Variants in TSPOAP1 observed in about 807,000 individuals in gnomAD.
The protein encoded by TSPOAP1 is TSPO associated protein 1, also known as peripheral-type benzodiazepine receptor-associated protein 1.
In TSPOAP1, 87 loss-of-function variants were observed where a neutral mutation model predicts 197.0. The ratio of observed to expected loss-of-function variants is 0.44; its 90% CI spans 0.37 to 0.53. TSPOAP1 has a LOEUF of 0.53. Ranked by LOEUF, TSPOAP1 falls within the 20% of genes least tolerant of loss-of-function variation. TSPOAP1 has a pLI of 0.00. For synonymous variants in TSPOAP1, 913 were observed against 998.9 expected (o/e 0.91, Z 1.62); for missense variants, 2,174 against 2,411.3 (o/e 0.90, Z 2.06).
At chr17:58,323,954 A>T (rs1971482284) in intron 5 of TSPOAP1, among the ~76,000 whole-genome samples, 1 of 152,088 alleles carries the variant, frequency 6.6e-6, no homozygotes, top group South Asian at 2.1e-4. Flanking sequence ...GTTCCCCAAG[A>T]TAGGGGTTCT....
intron 14 of TSPOAP1, among the ~76,000 whole-genome samples, chr17:58,317,665 G>A (rs895550068): frequency 2.6e-5 from 4 of 152,190 alleles, no homozygotes; most frequent in African/African-American, 9.7e-5. Flanking sequence ...TGGGGTTTGT[G>A]GGTAGAAAGA....
chr17:58,305,585 T>C lies in TSPOAP1; in HGVS notation c.5316A>G (p.Ala1772=). ...DLKAPHSMVA[A]FDYNPQESSP... ...AACTCTCCTGGGGGTTGTAGTCAAA[T>C]GCAGCCACCATGGAGTGGGGAGCTT... is the stretch of plus-strand genomic sequence containing the variant. The change falls in exon 28 of 32, where the codon GCA becomes GCG. Residue 1772 remains alanine, a synonymous_variant. Transcript: ENST00000343736. The C allele has an allele frequency of 6.3e-7, 1 of 1,575,830 alleles. No homozygotes were observed. The highest frequency in any genetic ancestry group is 8.6e-7 in the Non-Finnish European group (1 of 1,161,398).
intron 7 of TSPOAP1, 126 bp downstream of exon 7, chr17:58,323,172 A>G (rs1303705452): frequency 2.1e-6 from 3 of 1,461,600 alleles, no homozygotes; most frequent in African/African-American, 1.4e-5. Context: ...AGGAAAGGAA[A>G]GGAGCAGGAG....
chr17:58,310,907 C>G lies in TSPOAP1; in HGVS notation c.3388G>C (p.Ala1130Pro), dbSNP rs1192696527. The change falls in exon 19 of 32, where the codon GCA becomes CCA. Residue 1130 changes from alanine (A) to proline (P), a missense_variant. By Grantham distance (27) the Ala-to-Pro change is conservative (BLOSUM62 -1). Around this residue, in one of 5 missense-constraint regions of TSPOAP1, gnomAD observed 1,933 missense variants for 2,139.0 expected, o/e 0.90. Coordinates refer to ENST00000343736, the MANE Select transcript of TSPOAP1 (RefSeq NM_004758.4). ...TCTCTGGAAGGGCTTGCAGGGGGTGCTCCTGGAGGCTCTTGAGTTCCAAGG... is the reference window on the plus strand; with the variant it reads ...TCTCTGGAAGGGCTTGCAGGGGGTGGTCCTGGAGGCTCTTGAGTTCCAAGG... ...APLGTQEPPGAPPASPSREMA... is the reference protein window; with the variant it reads ...APLGTQEPPGPPPASPSREMA... 3.2e-6 allele frequency: 5 copies of G among 1,547,274 alleles called. No homozygotes were observed. The highest frequency in any genetic ancestry group is 2.3e-5 in the East Asian group (1 of 44,408).
In TSPOAP1 at chr17:58,311,878, C is replaced by G; in HGVS notation, c.2929+14G>C. On this transcript the variant is annotated intron_variant, in intron 17 of 31. Coordinates refer to ENST00000343736, the MANE Select transcript of TSPOAP1 (RefSeq NM_004758.4). ...TCCTGGGTGTTCTGGACAACAGGGC[C>G]CAAGCCCACATACCTGCTGGGAGTG... 1 of 1,524,816 alleles carries G rather than the reference C, an allele frequency of 6.6e-7. No homozygotes were observed. Among genetic ancestry groups the G allele is most frequent in the Non-Finnish European group, 8.8e-7 (1 of 1,136,764 alleles). 94.5% of individuals were successfully genotyped at this position (1,524,816 alleles called of 1,614,324 possible).
chr17:58,324,757 T>G lies in TSPOAP1; in HGVS notation c.942+54A>C, dbSNP rs1598082478. On this transcript the variant is annotated intron_variant, in intron 5 of 31. Coordinates refer to ENST00000343736, the MANE Select transcript of TSPOAP1 (RefSeq NM_004758.4). This position sits in a 1 kb window ranked among gnomAD's most constrained non-coding sequence, Gnocchi z 5.8. ...GGTGCAGGGGAGATCCCGGTGGTCG[T>G]TCCCCCCACCCATCTGCACGCACCC... The G allele has an allele frequency of 1.6e-6, 2 of 1,266,836 alleles. No individual in the cohort carries two copies. The highest frequency in any genetic ancestry group is 2.0e-6 in the Non-Finnish European group (2 of 981,994). The allele number at this position is 1,266,836 out of a possible 1,614,324, so 78.5% of individuals were successfully genotyped here. A position where few individuals can be genotyped will look rare whatever the true frequency, so the allele number is the denominator to read the frequency against.
Position 58,327,707 on chromosome 17 carries a change from C to G in TSPOAP1, c.214G>C (p.Val72Leu), listed in dbSNP as rs772493918. The change falls in exon 1 of 32, where the codon GTG (valine) becomes CTG (leucine). Residue 72 changes from valine to leucine, a missense_variant. Coordinates refer to ENST00000343736, the MANE Select transcript of TSPOAP1 (RefSeq NM_004758.4). ...KPKGDGSSRP[V>L]GGTDPEGAEA... ...GCTCCTTCAGGGTCAGTTCCCCCCA[C>G]GGGCCTGGAGCTCCCGTCTCCTTTG... 12 of 1,614,130 alleles carry G rather than the reference C, an allele frequency of 7.4e-6. No individual in the cohort carries two copies. Among genetic ancestry groups the G allele is most frequent in the Non-Finnish European group, 1.0e-5 (12 of 1,180,040 alleles).
intron 29 of TSPOAP1, 61 bp from the exon 30 acceptor site, chr17:58,305,232 C>A (rs1283111699): frequency 6.7e-7 from 1 of 1,499,682 alleles, no homozygotes; most frequent in Middle Eastern, 1.7e-4. Flanking sequence ...TGCCCCTCGA[C>A]TCTGATGCCC....
At chr17:58,320,678 AG>A (rs1971378968) in intron 10 of TSPOAP1, 97 bp from the exon 11 acceptor site, 2 of 962,766 alleles carry the variant, frequency 2.1e-6, no homozygotes, top group South Asian at 3.1e-5. Context: ...GGACAGAGGC[AG>A]GGGAGGAAGA....
intron 26 of TSPOAP1, 91 bp from the exon 27 acceptor site, chr17:58,305,956 A>C (rs2144027896): frequency 2.1e-6 from 3 of 1,427,570 alleles, no homozygotes; most frequent in Non-Finnish European, 2.9e-6. Flanking sequence ...GCCCACACAC[A>C]AGGAGGCAGG....
intron 22 of TSPOAP1, 97 bp downstream of exon 22, chr17:58,308,444 G>A: frequency 1.4e-6 from 2 of 1,471,758 alleles, no homozygotes; most frequent in Non-Finnish European, 1.8e-6. Context: ...TGCTGATGGA[G>A]GCAGGCAGCG....
chr17:58,313,049 C>G (rs1484139904), intron 16 of TSPOAP1, among the ~76,000 whole-genome samples: 1 of 152,092 alleles, frequency 6.6e-6, no homozygotes, highest in African/African-American at 2.4e-5. Context: ...TAATAAGCCA[C>G]CAGGTGACAC....
In TSPOAP1 at chr17:58,311,878, C is replaced by A. The variant is rs1239764568; in HGVS notation, c.2929+14G>T. ...TCCTGGGTGTTCTGGACAACAGGGC[C>A]CAAGCCCACATACCTGCTGGGAGTG... On this transcript the variant is annotated intron_variant, in intron 17 of 31. Transcript: ENST00000343736. 1.3e-6 allele frequency: 2 copies of A among 1,524,816 alleles called. No homozygotes were observed. Among genetic ancestry groups the A allele is most frequent in the Non-Finnish European group, 1.8e-6 (2 of 1,136,764 alleles). 94.5% of individuals were successfully genotyped at this position (1,524,816 alleles called of 1,614,324 possible).
chr17:58,317,663 G>A (rs2143085492), intron 14 of TSPOAP1, among the ~76,000 whole-genome samples: 1 of 152,330 alleles, frequency 6.6e-6, no homozygotes, highest in East Asian at 1.9e-4. Flanking sequence ...TCTGGGGTTT[G>A]TGGGTAGAAA....
rs1971733348 is a variant in TSPOAP1 at position 58,328,735 on chromosome 17, G to T, written c.-815C>A. 2 of 152,308 alleles carry T rather than the reference G, an allele frequency of 1.3e-5. No homozygotes were observed. The highest frequency in any genetic ancestry group is 1.9e-4 in the East Asian group (1 of 5,184). The allele number at this position is 152,308 out of a possible 1,614,324, so 9.4% of individuals were successfully genotyped here. Reference sequence around the variant, plus strand: ...GGCCTCTGCTCTGGGGACTGCAGGGGTCCCTTACAGTCCAGGAGCCTCGAG... The same window carrying T: ...GGCCTCTGCTCTGGGGACTGCAGGGTTCCCTTACAGTCCAGGAGCCTCGAG... On this transcript the variant is annotated 5_prime_UTR_variant, in exon 1 of 32. Transcript: ENST00000343736. This position sits in a 1 kb window ranked among gnomAD's most constrained non-coding sequence, Gnocchi z 4.3.
chr17:58,316,084 C>T lies in TSPOAP1; in HGVS notation c.2037G>A (p.Pro679=), dbSNP rs372282209. Reference sequence around the variant, plus strand: ...TGTAGATGTACTCGCCAGCTGTCAGCGGAAGCTCTGCTTCTGGATTCTCAT... The same window carrying T: ...TGTAGATGTACTCGCCAGCTGTCAGTGGAAGCTCTGCTTCTGGATTCTCAT... The part of the protein sequence containing the change: ...GPNENPEAEL[P]LTAGEYIYIY... Residue 679 remains proline (P), a synonymous_variant, in exon 16 of 32, where the codon CCG becomes CCA. Transcript: ENST00000343736. 48 of 1,614,128 alleles carry T rather than the reference C, an allele frequency of 3.0e-5. No individual in the cohort carries two copies. The highest frequency in any genetic ancestry group is 6.7e-5 in the East Asian group (3 of 44,868).
intron 10 of TSPOAP1, among the ~76,000 whole-genome samples, chr17:58,320,998 T>C (rs1214808991): frequency 6.6e-6 from 1 of 152,066 alleles, no homozygotes; most frequent in Non-Finnish European, 1.5e-5. Flanking sequence ...TTCCTAGGGC[T>C]CCCATCTACT....
At position 58,320,550 on chromosome 17, in the gene TSPOAP1, C is replaced by A. The variant is rs1244623773; in HGVS notation, c.1454G>T (p.Gly485Val). ...AQAEAQREHE[G>V]AVQLLESTLD... ...CCCTACCTCCAGCAGCTGCACGGCT[C>A]CTTCATGTTCCCTCTGGGCTTCAGC... The change falls in exon 11 of 32, where the codon GGA becomes GTA. Residue 485 changes from glycine (G) to valine (V), a missense_variant. Physicochemically the swap from Gly to Val is moderately radical, Grantham distance 109 (BLOSUM62 -3). Transcript: ENST00000343736. 6.7e-7 allele frequency: 1 copy of A among 1,491,228 alleles called. No individual in the cohort carries two copies. Among genetic ancestry groups the A allele is most frequent in the Admixed American group, 2.4e-5 (1 of 41,182 alleles). 92.4% of individuals were successfully genotyped at this position (1,491,228 alleles called of 1,614,324 possible). A position where few individuals can be genotyped will look rare whatever the true frequency, so the allele number is the denominator to read the frequency against.
At position 58,312,029 on chromosome 17, in the gene TSPOAP1, G is replaced by A. The variant is rs371230158; in HGVS notation, c.2792C>T (p.Thr931Ile). ...TGTGCCAGGCCGTAAGTGGCAGAAG[G>A]TGGCCCAGTAGGTACTGGGGCTGGC... ...PPASPSTYWATFCHLRPGTPY... is the reference protein window; with the variant it reads ...PPASPSTYWAIFCHLRPGTPY... Residue 931 changes from threonine (T) to isoleucine (I), a missense_variant, in exon 17 of 32, where the codon ACC becomes ATC. By Grantham distance (89) the Thr-to-Ile change is moderately conservative. Transcript: ENST00000343736. 1.3e-5 allele frequency: 21 copies of A among 1,613,442 alleles called. No individual in the cohort carries two copies. The African/African-American group carries it at 2.7e-4, about 21-fold the overall frequency.
Sources: gnomAD v4.1 joint callset for allele counts (sites outside exome capture counted in the v4.1 genomes callset) on GRCh38, gnomAD v4.1.1 for gene constraint, gnomAD v4.1.1 regional missense constraint, Gnocchi (gnomAD v3.1) non-coding constraint, MANE v1.5 for transcripts, NCBI Gene and HGNC (gene_info 2026-07-23, HGNC 2026-07-21) for gene names.